SLC25A13: variants seen among roughly 807,000 people sequenced by gnomAD.
SLC25A13 encodes the protein electrogenic aspartate/glutamate antiporter SLC25A13, mitochondrial.
SLC25A13 carries 70 observed loss-of-function variants against 85.5 expected under a neutral mutation model. That is an observed-to-expected ratio of 0.82 (90% CI 0.68 to 1.00). SLC25A13 has a LOEUF of 1.00. SLC25A13 is among the 50% of genes least tolerant of loss of function. SLC25A13 has a pLI of 0.00. For synonymous variants in SLC25A13, 259 were observed against 288.7 expected, an observed-to-expected ratio of 0.90 and a Z score of 1.04; for missense variants, 765 against 819.8, an observed-to-expected ratio of 0.93 and a Z score of 0.82.
Position 96,322,039 on chromosome 7 carries a change from C to G in SLC25A13, c.-83G>C. ...GACCCGGGCGGCTCACTTCTAGTCC[C>G]GGCGGCGGCGGCGGTGGGGGCGGCG... On this transcript the variant is annotated 5_prime_UTR_variant, in exon 1 of 18. Transcript: ENST00000265631. 1.4e-6 allele frequency: 2 copies of G among 1,431,510 alleles called. No individual in the cohort carries two copies. Among genetic ancestry groups the G allele is most frequent in the Non-Finnish European group, 9.4e-7 (1 of 1,066,064 alleles). The allele number at this position is 1,431,510 out of a possible 1,614,324, so 88.7% of individuals were successfully genotyped here.
chr7:96,164,645 G>A (rs557946008), intron 13 of SLC25A13, among the ~76,000 whole-genome samples: 252 of 151,236 alleles, frequency 1.7e-3, no homozygotes, highest in Non-Finnish European at 3.0e-3. Context: ...CAGGAAACTG[G>A]ACTGCCTCTT....
chr7:96,265,438 T>C (rs1303129243), intron 3 of SLC25A13, among the ~76,000 whole-genome samples: 1 of 152,230 alleles, frequency 6.6e-6, no homozygotes, highest in African/African-American at 2.4e-5. Context: ...CAAATAAGAA[T>C]GGTATCCCGT....
intron 2 of SLC25A13, among the ~76,000 whole-genome samples, chr7:96,289,919 G>C (rs1313997580): frequency 6.6e-6 from 1 of 152,088 alleles, no homozygotes; most frequent in African/African-American, 2.4e-5. Context: ...ACGCCACAAA[G>C]ATACTCCTCG....
At chr7:96,298,584 C>A (rs1799436469) in intron 1 of SLC25A13, among the ~76,000 whole-genome samples, 1 of 152,124 alleles carries the variant, frequency 6.6e-6, no homozygotes, top group Non-Finnish European at 1.5e-5. Context: ...TAGGCATGCA[C>A]CACCATGCCC....
At chr7:96,290,373 A>T (rs1799069593) in intron 2 of SLC25A13, among the ~76,000 whole-genome samples, 1 of 152,166 alleles carries the variant, frequency 6.6e-6, no homozygotes, top group African/African-American at 2.4e-5. Flanking sequence ...TGAAGCAACG[A>T]GCAAAATAAC....
At chr7:96,307,890 G>A (rs944391852) in intron 1 of SLC25A13, among the ~76,000 whole-genome samples, 2 of 151,642 alleles carry the variant, frequency 1.3e-5, no homozygotes, top group South Asian at 4.2e-4. Context: ...AGTGGCTCAC[G>A]CCTGTAATCC....
At chr7:96,217,002 A>C (rs1228005586) in intron 4 of SLC25A13, among the ~76,000 whole-genome samples, 1 of 152,242 alleles carries the variant, frequency 6.6e-6, no homozygotes, top group Non-Finnish European at 1.5e-5. Context: ...AAGGAACCCT[A>C]GTATACACAC....
chr7:96,193,276 A>G, intron 5 of SLC25A13, 93 bp from the exon 6 acceptor site: 1 of 1,471,338 alleles, frequency 6.8e-7, no homozygotes, highest in Non-Finnish European at 9.3e-7. Flanking sequence ...CTGAAGAAAG[A>G]GAGTTTACAT....
chr7:96,128,939 GCTCTCTCTCTCT>G (rs58984088), intron 15 of SLC25A13, among the ~76,000 whole-genome samples: 75 of 81,902 alleles, frequency 9.2e-4, no homozygotes, highest in African/African-American at 1.6e-3. Flanking sequence ...TGCCTTGCTT[GCTCTCTCTCTCT>G]CTCTCTCTCT....
At chr7:96,230,496 T>A (rs1796503022) in intron 4 of SLC25A13, among the ~76,000 whole-genome samples, 1 of 152,218 alleles carries the variant, frequency 6.6e-6, no homozygotes, top group African/African-American at 2.4e-5. Context: ...AAAATCACTG[T>A]CACATACAAT....
intron 13 of SLC25A13, among the ~76,000 whole-genome samples, chr7:96,154,354 T>C (rs1216426091): frequency 6.6e-6 from 1 of 150,598 alleles, no homozygotes; most frequent in East Asian, 1.9e-4. Context: ...TGGAGTGTAG[T>C]GACATGATCT....
chr7:96,222,272 T>G (rs1796160336), intron 4 of SLC25A13, among the ~76,000 whole-genome samples: 1 of 152,178 alleles, frequency 6.6e-6, no homozygotes, highest in Non-Finnish European at 1.5e-5. Flanking sequence ...CTGGACCAGT[T>G]TCTTTCAGAC....
intron 1 of SLC25A13, 85 bp downstream of exon 1, chr7:96,321,857 A>G: frequency 6.9e-7 from 1 of 1,452,378 alleles, no homozygotes. Flanking sequence ...TGTGGCACCA[A>G]CCCAGACACG....
intron 5 of SLC25A13, among the ~76,000 whole-genome samples, chr7:96,198,810 A>C (rs543802647): frequency 3.7e-4 from 57 of 152,364 alleles, no homozygotes; most frequent in Admixed American, 7.8e-4. Flanking sequence ...ATATCTCAAA[A>C]ATCCACATTT....
intron 2 of SLC25A13, among the ~76,000 whole-genome samples, chr7:96,291,377 G>A (rs1799112210): frequency 6.6e-6 from 1 of 152,106 alleles, no homozygotes; most frequent in Admixed American, 6.5e-5. Context: ...AACTAGAGAA[G>A]CAAGAGCAAA....
At chr7:96,195,940 G>A (rs184854172) in intron 5 of SLC25A13, among the ~76,000 whole-genome samples, 10 of 152,244 alleles carry the variant, frequency 6.6e-5, no homozygotes, top group Middle Eastern at 3.4e-3. Context: ...TCACATTCCT[G>A]CCTTTACACC....
rs148890801 is a variant in SLC25A13, at chr7:96,209,489, G to A, written c.329-512C>T. Reference sequence around the variant, plus strand: ...TGACACACATATTTAACACCCCTAAGGCTGTTTCTGTGTTTGAAAAAGTCC... The same window carrying A: ...TGACACACATATTTAACACCCCTAAAGCTGTTTCTGTGTTTGAAAAAGTCC... On this transcript the variant is annotated intron_variant, in intron 4 of 17. Transcript: ENST00000265631. 6.2e-4 allele frequency among the ~76,000 whole-genome samples: 94 copies of A among 152,150 alleles called. 1 individual carries two copies. In the East Asian group the frequency reaches 0.018, roughly 29 times the overall value.
intron 5 of SLC25A13, among the ~76,000 whole-genome samples, chr7:96,204,307 T>A (rs1286861089): frequency 6.6e-6 from 1 of 152,174 alleles, no homozygotes; most frequent in Non-Finnish European, 1.5e-5. Context: ...GACTACACAA[T>A]AATTTGGTAG....
intron 5 of SLC25A13, among the ~76,000 whole-genome samples, chr7:96,200,498 G>A (rs1266575888): frequency 1.3e-5 from 2 of 152,248 alleles, no homozygotes; most frequent in Middle Eastern, 3.4e-3. Flanking sequence ...AATAGGTAGA[G>A]AGATAAGTAG....
Sources: allele counts gnomAD v4.1 joint callset (sites outside exome capture counted in the v4.1 genomes callset), GRCh38; gene constraint gnomAD v4.1.1; transcripts MANE v1.5; gene names NCBI Gene and HGNC (gene_info 2026-07-23, HGNC 2026-07-21).